Variants in PLCL2 observed in about 807,000 individuals in gnomAD.
The protein encoded by PLCL2 is inactive phospholipase C-like protein 2.
PLCL2 carries 4 observed loss-of-function variants against 79.6 expected under a neutral mutation model. That is an observed-to-expected ratio of 0.05 (90% CI 0.02 to 0.11). PLCL2 has a LOEUF of 0.11. Ranked by LOEUF, PLCL2 falls within the 10% of genes least tolerant of loss-of-function variation. The probability of loss-of-function intolerance (pLI) is 1.00; values close to 1 mark genes in which losing one functional copy is unlikely to be tolerated. For synonymous variants in PLCL2, 484 were observed against 457.7 expected, an observed-to-expected ratio of 1.06 and a Z score of -0.73; for missense variants, 895 against 1,291.0, an observed-to-expected ratio of 0.69 and a Z score of 4.70.
At chr3:17,078,024 C>A (rs555539600) in intron 5 of PLCL2, among the ~76,000 whole-genome samples, 12 of 152,308 alleles carry the variant, frequency 7.9e-5, no homozygotes, top group African/African-American at 2.9e-4. Context: ...TTTACCATAT[C>A]CTCTAAGCAT....
At chr3:16,979,366 T>A (rs1329301425) in intron 1 of PLCL2, among the ~76,000 whole-genome samples, 1 of 143,360 alleles carries the variant, frequency 7.0e-6, no homozygotes, top group African/African-American at 2.7e-5. Flanking sequence ...TTTTAATCAT[T>A]CTTGGGTGTT....
chr3:17,062,156 G>A (rs1028292225), intron 4 of PLCL2, among the ~76,000 whole-genome samples: 2 of 152,114 alleles, frequency 1.3e-5, no homozygotes, highest in African/African-American at 4.8e-5. Flanking sequence ...GCCACACCAG[G>A]CCAGCCAGGT....
intron 1 of PLCL2, among the ~76,000 whole-genome samples, chr3:16,949,356 AT>A (rs1207931370): frequency 6.6e-6 from 1 of 152,214 alleles, no homozygotes; most frequent in East Asian, 1.9e-4. Flanking sequence ...GTATAAAAAA[AT>A]ATTGTTTTGA....
intron 5 of PLCL2, among the ~76,000 whole-genome samples, chr3:17,077,486 T>TGGCTTTGTTTTTGCTC (rs1209841647): frequency 1.3e-5 from 2 of 152,236 alleles, no homozygotes; most frequent in Non-Finnish European, 2.9e-5. Flanking sequence ...GCTTTTTGCT[T>TGGCTTTGTTTTTGCTC]GGCTTTGTTT....
intron 1 of PLCL2, among the ~76,000 whole-genome samples, chr3:16,966,427 T>C (rs2063807136): frequency 1.3e-5 from 2 of 152,154 alleles, no homozygotes; most frequent in South Asian, 4.1e-4. Context: ...TGCCAGTATT[T>C]TATTGAGGAT....
chr3:17,009,709 A>G lies in PLCL2; in HGVS notation c.363A>G (p.Thr121=). The G allele has an allele frequency of 6.2e-7, 1 of 1,605,468 alleles. No individual in the cohort carries two copies. The highest frequency in any genetic ancestry group is 8.5e-7 in the Non-Finnish European group (1 of 1,172,594). The stretch of plus-strand genomic sequence containing the variant: ...AACAGAAGAGGGAACGGAAAAAGAC[A>G]GTCTCATTCAGCAGCATGCCAACAG... The part of the protein sequence containing the change: ...GTKQKRERKK[T]VSFSSMPTEK... The change falls in exon 2 of 6, where the codon ACA becomes ACG. Residue 121 remains threonine (T), a synonymous_variant. Coordinates refer to ENST00000615277, the MANE Select transcript of PLCL2 (RefSeq NM_001144382.2). The surrounding 1 kb of genome is among the most constrained non-coding windows in gnomAD (Gnocchi z 4.0).
At chr3:16,898,955 ACGC>A (rs1696555233) in intron 1 of PLCL2, among the ~76,000 whole-genome samples, 1 of 152,230 alleles carries the variant, frequency 6.6e-6, no homozygotes, top group South Asian at 2.1e-4. Context: ...GCGGGGACCC[ACGC>A]CTTGGCAGGC....
intron 1 of PLCL2, among the ~76,000 whole-genome samples, chr3:16,945,236 A>G (rs2063589379): frequency 1.4e-5 from 1 of 71,916 alleles, no homozygotes; most frequent in African/African-American, 1.6e-4. Context: ...AGACACAAAC[A>G]CATACACACA....
Position 16,886,084 on chromosome 3 carries a change from A to G in PLCL2, c.327+718A>G, listed in dbSNP as rs1696215018. Among the ~76,000 whole-genome samples, 1 of 152,226 alleles carries G rather than the reference A, an allele frequency of 6.6e-6. No homozygotes were observed. The highest frequency in any genetic ancestry group is 2.1e-4 in the South Asian group (1 of 4,834). ...TGCTTGCACAGTGTTAGCGGAAGAA[A>G]GCCAGCGATTGTTTTGAGCATTTTA... On this transcript the variant is annotated intron_variant, in intron 1 of 5. Transcript: ENST00000615277. This position sits in a 1 kb window ranked among gnomAD's most constrained non-coding sequence, Gnocchi z 4.2.
At chr3:16,964,478 A>T (rs1283431121) in intron 1 of PLCL2, among the ~76,000 whole-genome samples, 1 of 152,148 alleles carries the variant, frequency 6.6e-6, no homozygotes, top group Non-Finnish European at 1.5e-5. Flanking sequence ...CTGCAATAAA[A>T]ATACGTGTGC....
chr3:16,992,952 G>T (rs956919826), intron 1 of PLCL2, among the ~76,000 whole-genome samples: 2 of 152,196 alleles, frequency 1.3e-5, no homozygotes, highest in Non-Finnish European at 2.9e-5. Flanking sequence ...TTCCTGGCCT[G>T]GGTAGCATGG....
intron 3 of PLCL2, among the ~76,000 whole-genome samples, chr3:17,016,389 T>G (rs1446928230): frequency 6.6e-6 from 1 of 152,210 alleles, no homozygotes; most frequent in Non-Finnish European, 1.5e-5. Context: ...GCATTCATGG[T>G]AACCTTAAGA....
chr3:16,947,576 G>A (rs1409870067), intron 1 of PLCL2, among the ~76,000 whole-genome samples: 3 of 152,224 alleles, frequency 2.0e-5, no homozygotes, highest in Non-Finnish European at 4.4e-5. Flanking sequence ...TTTTAGAAAC[G>A]GAATATCCTC....
chr3:16,909,224 G>A (rs1414135871), intron 1 of PLCL2, among the ~76,000 whole-genome samples: 2 of 152,206 alleles, frequency 1.3e-5, no homozygotes, highest in African/African-American at 4.8e-5. Context: ...AGTTCTTGGT[G>A]TGGTAACTTA....
intron 1 of PLCL2, among the ~76,000 whole-genome samples, chr3:16,984,905 C>A (rs890446528): frequency 6.6e-6 from 1 of 151,852 alleles, no homozygotes; most frequent in African/African-American, 2.4e-5. Flanking sequence ...GCACTCCAGC[C>A]TGGGCAACAG....
At chr3:17,026,163 A>G (rs2064515246) in intron 3 of PLCL2, among the ~76,000 whole-genome samples, 1 of 152,230 alleles carries the variant, frequency 6.6e-6, no homozygotes, top group Non-Finnish European at 1.5e-5. Context: ...AGGAATAAAA[A>G]TAGCATTTAA....
At chr3:16,999,682 C>T (rs1343543720) in intron 1 of PLCL2, among the ~76,000 whole-genome samples, 1 of 152,158 alleles carries the variant, frequency 6.6e-6, no homozygotes, top group Non-Finnish European at 1.5e-5. Flanking sequence ...GATTCCTAAA[C>T]TAGAAAGTTG....
intron 3 of PLCL2, among the ~76,000 whole-genome samples, chr3:17,033,244 A>G (rs2064604295): frequency 6.6e-6 from 1 of 152,140 alleles, no homozygotes; most frequent in Non-Finnish European, 1.5e-5. Flanking sequence ...CTCTTAATTC[A>G]TAATTCATTC....
At chr3:17,063,402 G>T (rs1220756953) in intron 4 of PLCL2, among the ~76,000 whole-genome samples, 1 of 145,474 alleles carries the variant, frequency 6.9e-6, no homozygotes, top group African/African-American at 2.6e-5. Flanking sequence ...ACTGAACATG[G>T]ACTTCGCATC....
Sources: gnomAD v4.1 joint callset for allele counts (sites outside exome capture counted in the v4.1 genomes callset) on GRCh38, gnomAD v4.1.1 for gene constraint, Gnocchi (gnomAD v3.1) non-coding constraint, MANE v1.5 for transcripts, NCBI Gene and HGNC (gene_info 2026-07-23, HGNC 2026-07-21) for gene names.